GPBP1L1: variants seen among roughly 807,000 people sequenced by gnomAD.
The protein encoded by GPBP1L1 is GC-rich promoter binding protein 1 like 1, also known as vasculin-like protein 1.
Under a neutral mutation model 52.5 loss-of-function variants are expected in GPBP1L1, and 23 were observed. That is an observed-to-expected ratio of 0.44 (90% CI 0.32 to 0.62). GPBP1L1 has a LOEUF of 0.62. Ranked by LOEUF, GPBP1L1 falls within the 20% of genes least tolerant of loss-of-function variation. GPBP1L1 has a pLI of 0.06. For missense variants in GPBP1L1, 596 were observed against 579.3 expected (o/e 1.03, Z -0.30); for synonymous variants, 243 against 203.1 (o/e 1.20, Z -1.67).
chr1:45,652,586 T>C (rs556401251), intron 6 of GPBP1L1, among the ~76,000 whole-genome samples: 20 of 152,228 alleles, frequency 1.3e-4, no homozygotes, highest in Non-Finnish European at 2.9e-4. Context: ...TGGCTATGGT[T>C]ATAATATTAG....
chr1:45,642,647 G>A (rs1644688703), intron 6 of GPBP1L1, 148 bp from the exon 7 acceptor site: 8 of 639,006 alleles, frequency 1.3e-5, no homozygotes, highest in South Asian at 2.0e-5. Context: ...ATTCAGAAAC[G>A]TAACAAACAG....
At chr1:45,647,594 T>C (rs1455003517) in intron 6 of GPBP1L1, among the ~76,000 whole-genome samples, 1 of 152,226 alleles carries the variant, frequency 6.6e-6, no homozygotes, top group African/African-American at 2.4e-5. Flanking sequence ...TTTTACTTCC[T>C]GTTCCTGTGT....
At chr1:45,664,840 G>T (rs549014019) in intron 2 of GPBP1L1, among the ~76,000 whole-genome samples, 1 of 151,788 alleles carries the variant, frequency 6.6e-6, no homozygotes, top group East Asian at 2.0e-4. Context: ...CACCACACCC[G>T]GTTAATTTTT....
At chr1:45,674,711 G>A (rs904467006) in intron 2 of GPBP1L1, among the ~76,000 whole-genome samples, 2 of 152,220 alleles carry the variant, frequency 1.3e-5, no homozygotes, top group Non-Finnish European at 2.9e-5. Flanking sequence ...GTAAACACCT[G>A]ATACTGTACA....
At chr1:45,684,278 GAAAA>G (rs1645252444) in intron 2 of GPBP1L1, among the ~76,000 whole-genome samples, 1 of 104,752 alleles carries the variant, frequency 9.5e-6, no homozygotes, top group Non-Finnish European at 2.1e-5. Context: ...AAAAAAAAAA[GAAAA>G]AGAAAAGAAA....
intron 2 of GPBP1L1, among the ~76,000 whole-genome samples, chr1:45,683,553 T>A (rs1645238778): frequency 1.3e-5 from 2 of 149,432 alleles, no homozygotes; most frequent in Non-Finnish European, 3.0e-5. Flanking sequence ...GGACTCCTTT[T>A]CCTCAACTAC....
chr1:45,679,056 T>C (rs556555299), intron 2 of GPBP1L1, among the ~76,000 whole-genome samples: 210 of 152,296 alleles, frequency 1.4e-3, no homozygotes, highest in Non-Finnish European at 2.7e-3. Flanking sequence ...ACATTGCTTC[T>C]GTAATAATAA....
Position 45,664,594 on chromosome 1 carries a change from T to A in GPBP1L1, c.-1097-3369A>T, listed in dbSNP as rs150317882. 6.4e-3 allele frequency among the ~76,000 whole-genome samples: 970 copies of A among 151,898 alleles called. 7 individuals carry two copies. Among genetic ancestry groups the A allele is most frequent in the African/African-American group, 0.022 (915 of 41,498 alleles). On this transcript the variant is annotated intron_variant, in intron 2 of 12. Transcript: ENST00000355105. ...AAAATAAAATAAAATAAAATAAAAT[T>A]ATTCCATAGAGATGGGGTTTCACTA...
Position 45,633,568 on chromosome 1 carries a change from T to C in GPBP1L1, c.965A>G (p.Lys322Arg), listed in dbSNP as rs1644557526. Reference sequence around the variant, plus strand: ...CTTCAGAGTTTTCAGGAACTCACTCTTCCTGTCGGTGGTTCGGCGGGTCAA... The same window carrying C: ...CTTCAGAGTTTTCAGGAACTCACTCCTCCTGTCGGTGGTTCGGCGGGTCAA... ...TKLTRRTTDR[K>R]SEFLKTLKDD... is the part of the protein sequence containing the mutation. The change falls in exon 10 of 13, where the codon AAG becomes AGG. Residue 322 changes from lysine (K) to arginine (R), a missense_variant. By Grantham distance (26) the Lys-to-Arg change is conservative. Coordinates refer to ENST00000355105, the MANE Select transcript of GPBP1L1 (RefSeq NM_021639.5). 1.2e-6 allele frequency: 2 copies of C among 1,613,994 alleles called. No individual in the cohort carries two copies. Among genetic ancestry groups the C allele is most frequent in the Non-Finnish European group, 1.7e-6 (2 of 1,179,990 alleles).
At chr1:45,664,483 G>A (rs1644985686) in intron 2 of GPBP1L1, among the ~76,000 whole-genome samples, 5 of 152,030 alleles carry the variant, frequency 3.3e-5, no homozygotes, top group Non-Finnish European at 7.4e-5. Context: ...GGAGAATGGC[G>A]TGAACCCGGG....
rs886542908 is a variant in GPBP1L1, at chr1:45,627,913, C to T, written c.*343G>A. The T allele has an allele frequency of 5.4e-6, 1 of 185,526 alleles. No individual in the cohort carries two copies. The highest frequency in any genetic ancestry group is 1.1e-5 in the Non-Finnish European group (1 of 89,854). The allele number at this position is 185,526 out of a possible 1,614,324, so 11.5% of individuals were successfully genotyped here. On this transcript the variant is annotated 3_prime_UTR_variant, in exon 13 of 13. Transcript: ENST00000355105. ...ATCACAGGGGTGAGTGCCCCAAGGGCTGGTAGTAGAAGCTGTTGCTGCAGA... is the reference window on the plus strand; with the variant it reads ...ATCACAGGGGTGAGTGCCCCAAGGGTTGGTAGTAGAAGCTGTTGCTGCAGA...
chr1:45,651,040 G>T, intron 6 of GPBP1L1: 1 of 477,196 alleles, frequency 2.1e-6, no homozygotes, highest in South Asian at 1.5e-5. Context: ...AATCCAATTG[G>T]TGGCAAGTTC....
intron 6 of GPBP1L1, among the ~76,000 whole-genome samples, chr1:45,644,816 T>TA (rs774531664): frequency 2.6e-5 from 4 of 152,190 alleles, no homozygotes; most frequent in Admixed American, 2.6e-4. Flanking sequence ...GTCAGCTCAA[T>TA]ACAAGATGCA....
intron 6 of GPBP1L1, among the ~76,000 whole-genome samples, chr1:45,649,541 G>A (rs1339143067): frequency 1.3e-5 from 2 of 151,348 alleles, no homozygotes; most frequent in African/African-American, 2.4e-5. Context: ...ATTTGGGCTT[G>A]TCTGAGGTCT....
chr1:45,663,368 C>A (rs888484384), intron 2 of GPBP1L1, among the ~76,000 whole-genome samples: 3 of 152,122 alleles, frequency 2.0e-5, no homozygotes, highest in African/African-American at 7.2e-5. Flanking sequence ...CACTAGGTAC[C>A]TTCCGGTTTT....
chr1:45,629,540 A>C, intron 12 of GPBP1L1, 36 bp downstream of exon 12: 1 of 1,125,850 alleles, frequency 8.9e-7, no homozygotes, highest in Non-Finnish European at 1.3e-6. Context: ...TCTCCTGGTT[A>C]CTAACTGGTC....
At chr1:45,673,786 G>A (rs1293817019) in intron 2 of GPBP1L1, among the ~76,000 whole-genome samples, 1 of 152,164 alleles carries the variant, frequency 6.6e-6, no homozygotes, top group African/African-American at 2.4e-5. Context: ...TTGAATCCGG[G>A]AGACAGAGGT....
chr1:45,633,390 T>TA, intron 10 of GPBP1L1, 99 bp downstream of exon 10: 1 of 1,287,336 alleles, frequency 7.8e-7, no homozygotes, highest in Non-Finnish European at 1.1e-6. Flanking sequence ...TCTGTACATT[T>TA]AAAAATCTTG....
At chr1:45,656,153 A>G (rs1029401091) in intron 4 of GPBP1L1, 10 of 152,190 alleles carry the variant, frequency 6.6e-5, no homozygotes, top group African/African-American at 2.4e-4. Context: ...CATCATACCC[A>G]TTTTACTCAT....
Sources: gnomAD v4.1 joint callset for allele counts (sites outside exome capture counted in the v4.1 genomes callset) on GRCh38, gnomAD v4.1.1 for gene constraint, MANE v1.5 for transcripts, NCBI Gene and HGNC (gene_info 2026-07-23, HGNC 2026-07-21) for gene names.